DNAI7: variants seen among roughly 807,000 people sequenced by gnomAD.
DNAI7 encodes cancer susceptibility 1.
A neutral mutation model predicts 86.6 loss-of-function variants in DNAI7; 78 were observed. That is an observed-to-expected ratio of 0.90 (90% confidence interval 0.75 to 1.09). The LOEUF is 1.09. Among genes scored for constraint, DNAI7 ranks in the 50% least tolerant of loss-of-function variants. DNAI7 has a pLI of 0.00. For missense variants in DNAI7, 753 were observed against 810.2 expected (o/e 0.93, Z 0.86); for synonymous variants, 274 against 273.0 (o/e 1.00, Z -0.04).
chr12:25,137,800 A>G (rs1943719586), intron 9 of DNAI7, among the ~76,000 whole-genome samples: 1 of 152,224 alleles, frequency 6.6e-6, no homozygotes, highest in South Asian at 2.1e-4. Context: ...ACAAAGAGGG[A>G]CACTACATAA....
chr12:25,179,493 G>A lies in DNAI7; in HGVS notation c.21+11121C>T, dbSNP rs138482916. ...ATTGTGGATGTGTCTATTTGTGGATGTGTCTATTTCTCCTTGTAGTTCCCT... is the reference window on the plus strand; with the variant it reads ...ATTGTGGATGTGTCTATTTGTGGATATGTCTATTTCTCCTTGTAGTTCCCT... On this transcript the variant is annotated intron_variant, in intron 2 of 15. Coordinates refer to ENST00000395987, the MANE Select transcript of DNAI7 (RefSeq NM_018272.5). Among the ~76,000 whole-genome samples, 1,048 of 152,186 alleles carry A rather than the reference G, an allele frequency of 6.9e-3. 9 individuals carry two copies. Among genetic ancestry groups the A allele is most frequent in the Middle Eastern group, 0.054 (16 of 294 alleles).
chr12:25,181,136 G>A (rs539786809), intron 2 of DNAI7, among the ~76,000 whole-genome samples: 13 of 152,010 alleles, frequency 8.6e-5, no homozygotes, highest in African/African-American at 2.7e-4. Flanking sequence ...ACAGAGTCTC[G>A]CTTTGTCATT....
intron 9 of DNAI7, among the ~76,000 whole-genome samples, chr12:25,134,168 T>A (rs1718972159): frequency 6.6e-6 from 1 of 151,840 alleles, no homozygotes; most frequent in African/African-American, 2.4e-5. Flanking sequence ...CTACTTTTTT[T>A]GATTTTTAGT....
intron 13 of DNAI7, among the ~76,000 whole-genome samples, chr12:25,113,276 T>C (rs1263364245): frequency 2.5e-5 from 3 of 118,678 alleles, no homozygotes; most frequent in Non-Finnish European, 5.3e-5. Flanking sequence ...TTTGTTGTTG[T>C]TGCTGTTGTT....
intron 2 of DNAI7, among the ~76,000 whole-genome samples, chr12:25,181,304 TG>T (rs202197122): frequency 2.1e-4 from 32 of 151,654 alleles, no homozygotes; most frequent in Admixed American, 5.9e-4. Flanking sequence ...TTTGCAGAGG[TG>T]GGGGGGTCTC....
At chr12:25,167,815 T>C (rs1565790387) in intron 2 of DNAI7, among the ~76,000 whole-genome samples, 1 of 152,246 alleles carries the variant, frequency 6.6e-6, no homozygotes, top group East Asian at 1.9e-4. Flanking sequence ...TCTCCTTATA[T>C]CAACTCTACT....
chr12:25,122,809 A>G (rs1218025230), intron 10 of DNAI7, among the ~76,000 whole-genome samples: 1 of 152,244 alleles, frequency 6.6e-6, no homozygotes. Context: ...CAACCTGCCT[A>G]TCAATAGGGA....
intron 2 of DNAI7, among the ~76,000 whole-genome samples, chr12:25,171,491 GA>G (rs1420668556): frequency 5.3e-5 from 8 of 151,362 alleles, no homozygotes; most frequent in South Asian, 2.1e-4. Context: ...AAAATTACCA[GA>G]AAAAAAAGTC....
chr12:25,193,983 G>A (rs1482501821), intron 1 of DNAI7, among the ~76,000 whole-genome samples: 1 of 151,994 alleles, frequency 6.6e-6, no homozygotes, highest in South Asian at 2.1e-4. Context: ...CAACACGCCC[G>A]GCTAATTTTT....
chr12:25,184,121 G>A (rs1234417057), intron 2 of DNAI7, among the ~76,000 whole-genome samples: 1 of 152,142 alleles, frequency 6.6e-6, no homozygotes, highest in Non-Finnish European at 1.5e-5. Context: ...GTTTTATTGA[G>A]ATATAATTCA....
In DNAI7 at chr12:25,163,258, C is replaced by G. The variant is rs538525795; in HGVS notation, c.22-2061G>C. ...GCTAAGCCATCATATCCCCTGTGAC[C>G]TGCACGTACACATCTAGATGGCCGG... On this transcript the variant is annotated intron_variant, in intron 2 of 15. Coordinates refer to ENST00000395987, the MANE Select transcript of DNAI7 (RefSeq NM_018272.5). 2.6e-5 allele frequency among the ~76,000 whole-genome samples: 4 copies of G among 152,286 alleles called. 1 individual carries two copies. The highest frequency in any genetic ancestry group is 4.4e-5 in the Non-Finnish European group (3 of 68,020).
intron 4 of DNAI7, among the ~76,000 whole-genome samples, chr12:25,158,183 C>A (rs1946418863): frequency 6.6e-6 from 1 of 151,666 alleles, no homozygotes; most frequent in South Asian, 2.1e-4. Flanking sequence ...GAGCCAAGAT[C>A]ACACCACTGC....
chr12:25,113,724 C>A (rs766480572), intron 13 of DNAI7, among the ~76,000 whole-genome samples: 28 of 152,092 alleles, frequency 1.8e-4, no homozygotes, highest in Non-Finnish European at 3.1e-4. Context: ...ATAAAATTCA[C>A]CTATTTCAAG....
chr12:25,181,580 A>C (rs1949505944), intron 2 of DNAI7, among the ~76,000 whole-genome samples: 1 of 152,254 alleles, frequency 6.6e-6, no homozygotes, highest in Non-Finnish European at 1.5e-5. Context: ...GCATAGCAAA[A>C]GAAACAACAC....
At chr12:25,112,902 C>T (rs566568128) in intron 13 of DNAI7, among the ~76,000 whole-genome samples, 38 of 152,262 alleles carry the variant, frequency 2.5e-4, no homozygotes, top group African/African-American at 8.9e-4. Context: ...TAGCTATATA[C>T]GGCTGGTAGC....
At chr12:25,148,372 T>C (rs894173710) in intron 7 of DNAI7, among the ~76,000 whole-genome samples, 25 of 152,210 alleles carry the variant, frequency 1.6e-4, no homozygotes, top group African/African-American at 5.8e-4. Context: ...CTATTAATGA[T>C]ATGAACTTGA....
intron 9 of DNAI7, among the ~76,000 whole-genome samples, chr12:25,132,845 G>A (rs2140640907): frequency 7.0e-6 from 1 of 143,004 alleles, no homozygotes; most frequent in African/African-American, 3.0e-5. Context: ...TTTATATTAA[G>A]AAATTGTCTT....
chr12:25,185,791 AT>A (rs1348460169), intron 2 of DNAI7: 1 of 982,442 alleles, frequency 1.0e-6, no homozygotes, highest in Non-Finnish European at 1.2e-6. Flanking sequence ...GTGTTCCTAA[AT>A]GAAAATAGAA....
At chr12:25,161,296 A>G in intron 2 of DNAI7, 99 bp from the exon 3 acceptor site, 1 of 1,068,122 alleles carries the variant, frequency 9.4e-7, no homozygotes, top group South Asian at 1.3e-5. Context: ...TTTTGCTTTC[A>G]TAAAACCAGC....
Sources: gnomAD v4.1 joint callset for allele counts (sites outside exome capture counted in the v4.1 genomes callset) on GRCh38, gnomAD v4.1.1 for gene constraint, MANE v1.5 for transcripts, NCBI Gene and HGNC (gene_info 2026-07-23, HGNC 2026-07-21) for gene names.